Variants in KIAA1671 observed in about 807,000 individuals in gnomAD.
The protein encoded by KIAA1671 is KIAA1671.
KIAA1671 carries 52 observed loss-of-function variants against 131.2 expected under a neutral mutation model. The observed-to-expected ratio is 0.40, with a 90% CI of 0.32 to 0.50. The LOEUF is 0.50. Ranked by LOEUF, KIAA1671 falls within the 20% of genes least tolerant of loss-of-function variation. KIAA1671 has a pLI of 0.73. For missense variants in KIAA1671, 2,360 were observed against 2,364.2 expected, an observed-to-expected ratio of 1.00 and a Z score of 0.04; for synonymous variants, 1,003 against 961.6, an observed-to-expected ratio of 1.04 and a Z score of -0.80.
chr22:25,177,433 C>G lies in KIAA1671; in HGVS notation c.4985C>G (p.Ser1662Cys). 6.4e-7 allele frequency: 1 copy of G among 1,551,752 alleles called. No individual in the cohort carries two copies. The highest frequency in any genetic ancestry group is 8.7e-7 in the Non-Finnish European group (1 of 1,146,996). ...RSRRRAPISHSLRRSRFSESE... is the reference protein window; with the variant it reads ...RSRRRAPISHCLRRSRFSESE... ...CGCCGCCGGGCCCCCATCTCCCACT[C>G]CCTCCGGCGCAGCCGATTTAGTGAG... The change falls in exon 9 of 13, where the codon TCC becomes TGC. Residue 1662 changes from serine to cysteine, a missense_variant. Coordinates refer to ENST00000358431, the MANE Select transcript of KIAA1671 (RefSeq NM_001145206.2).
rs917557882 is a variant in KIAA1671, at chr22:25,029,460, T to C, written c.1461T>C (p.Thr487=). 3 of 1,551,308 alleles carry C rather than the reference T, an allele frequency of 1.9e-6. No individual in the cohort carries two copies. Among genetic ancestry groups the C allele is most frequent in the African/African-American group, 2.7e-5 (2 of 73,184 alleles). The change falls in exon 3 of 13, where the codon ACT becomes ACC. Residue 487 remains threonine, a synonymous_variant. Transcript: ENST00000358431. ...TTCAGGAACGGATCAGAGGCTGGACTGCCGAGAGCTCAGAGGCTAAGCCCG... is the reference window on the plus strand; with the variant it reads ...TTCAGGAACGGATCAGAGGCTGGACCGCCGAGAGCTCAGAGGCTAAGCCCG... ...VSVQERIRGW[T]AESSEAKPEV... is the part of the protein sequence containing the mutation.
At chr22:25,020,977 C>T (rs938465218) in intron 1 of KIAA1671, among the ~76,000 whole-genome samples, 2 of 152,150 alleles carry the variant, frequency 1.3e-5, no homozygotes, top group African/African-American at 2.4e-5. Flanking sequence ...GACATCCTGG[C>T]GCTTGCACGT....
intron 9 of KIAA1671, among the ~76,000 whole-genome samples, chr22:25,180,187 C>T (rs551424547): frequency 3.2e-4 from 48 of 152,314 alleles, no homozygotes; most frequent in African/African-American, 1.2e-3. Context: ...TCATGGAGAT[C>T]CCTGATGCTT....
chr22:25,139,050 A>G (rs1020821797), intron 6 of KIAA1671, among the ~76,000 whole-genome samples: 2 of 152,198 alleles, frequency 1.3e-5, no homozygotes, highest in Non-Finnish European at 2.9e-5. Flanking sequence ...CCAGACCCCA[A>G]CTGAGAAGTA....
intron 6 of KIAA1671, among the ~76,000 whole-genome samples, chr22:25,089,680 G>T (rs1407669527): frequency 6.6e-6 from 1 of 152,120 alleles, no homozygotes; most frequent in East Asian, 1.9e-4. Context: ...CAGCATAATA[G>T]GTCTATGCCA....
chr22:24,955,543 C>T (rs1225772333), intron 1 of KIAA1671, among the ~76,000 whole-genome samples: 1 of 152,150 alleles, frequency 6.6e-6, no homozygotes, highest in Non-Finnish European at 1.5e-5. Flanking sequence ...GCCAGGCCAG[C>T]CATGCTTAGT....
intron 9 of KIAA1671, among the ~76,000 whole-genome samples, chr22:25,178,178 C>T (rs1270688046): frequency 1.3e-5 from 2 of 152,190 alleles, no homozygotes; most frequent in Non-Finnish European, 2.9e-5. Context: ...CGCCGTCCTC[C>T]AGCTGACCAT....
chr22:25,009,551 C>T (rs1924922022), intron 1 of KIAA1671: 1 of 147,304 alleles, frequency 6.8e-6, no homozygotes, highest in African/African-American at 2.5e-5. Flanking sequence ...AGGCATAAGC[C>T]ACTGCACCCA....
At chr22:25,079,029 T>C (rs917168211) in intron 6 of KIAA1671, among the ~76,000 whole-genome samples, 1 of 152,132 alleles carries the variant, frequency 6.6e-6, no homozygotes, top group Non-Finnish European at 1.5e-5. Flanking sequence ...AGCAACTTCC[T>C]CGTGGGTTGG....
At chr22:25,025,044 T>C (rs16979431) in intron 1 of KIAA1671, among the ~76,000 whole-genome samples, 1,483 of 106,892 alleles carry the variant, frequency 0.014, 17 homozygotes, top group Non-Finnish European at 0.024. Flanking sequence ...TGAGGAGGCA[T>C]TTGGAGGGCT....
At chr22:25,126,965 C>T (rs1932211249) in intron 6 of KIAA1671, among the ~76,000 whole-genome samples, 1 of 152,180 alleles carries the variant, frequency 6.6e-6, no homozygotes, top group Non-Finnish European at 1.5e-5. Context: ...GAACCAATGT[C>T]CTCTCCATTA....
At chr22:25,045,126 A>C (rs1278780978) in intron 5 of KIAA1671, among the ~76,000 whole-genome samples, 1 of 152,068 alleles carries the variant, frequency 6.6e-6, no homozygotes, top group African/African-American at 2.4e-5. Flanking sequence ...ACGCCACTGC[A>C]CTCCAGCCTG....
rs111572634 is a variant in KIAA1671 at position 25,128,350 on chromosome 22, G to A, written c.4531-42470G>A. The stretch of plus-strand genomic sequence containing the variant: ...GATGAATACATGAATGCATGGACCA[G>A]TGCATGAACGGATGCCAAGCTCCTA... On this transcript the variant is annotated intron_variant, in intron 6 of 12. Transcript: ENST00000358431. 1.4e-3 allele frequency among the ~76,000 whole-genome samples: 213 copies of A among 152,330 alleles called. 1 individual carries two copies. Among genetic ancestry groups the A allele is most frequent in the African/African-American group, 4.6e-3 (193 of 41,572 alleles).
At chr22:25,177,999 C>T (rs1934101025) in intron 9 of KIAA1671, among the ~76,000 whole-genome samples, 3 of 152,164 alleles carry the variant, frequency 2.0e-5, no homozygotes, top group African/African-American at 4.8e-5. Flanking sequence ...TGGCAGTGCC[C>T]GGCCAAGGCC....
At chr22:25,034,119 C>T (rs942467233) in intron 4 of KIAA1671, among the ~76,000 whole-genome samples, 2 of 150,048 alleles carry the variant, frequency 1.3e-5, no homozygotes, top group Non-Finnish European at 3.0e-5. Context: ...GATCTTGGCT[C>T]ACAGCAACAT....
At chr22:24,966,855 C>T (rs1922332542) in intron 1 of KIAA1671, among the ~76,000 whole-genome samples, 3 of 152,174 alleles carry the variant, frequency 2.0e-5, no homozygotes, top group Admixed American at 2.0e-4. Flanking sequence ...GCTCGGGAGG[C>T]TGAGGCATGA....
At chr22:25,006,156 C>G (rs752152054) in intron 1 of KIAA1671, among the ~76,000 whole-genome samples, 1 of 152,108 alleles carries the variant, frequency 6.6e-6, no homozygotes, top group Non-Finnish European at 1.5e-5. Flanking sequence ...CTCAGCCTCC[C>G]GAGTAGCTGG....
At chr22:24,956,039 A>G (rs1274128485) in intron 1 of KIAA1671, among the ~76,000 whole-genome samples, 1 of 151,954 alleles carries the variant, frequency 6.6e-6, no homozygotes, top group African/African-American at 2.4e-5. Flanking sequence ...AAAAAAAAAA[A>G]AAAGAAAAGA....
At position 25,041,397 on chromosome 22, in the gene KIAA1671, T is replaced by G; in HGVS notation, c.4267T>G (p.Ser1423Ala). Residue 1423 changes from serine to alanine, a missense_variant, in exon 5 of 13, where the codon TCC (serine) becomes GCC (alanine). By Grantham distance (99) the Ser-to-Ala change is moderately conservative. Coordinates refer to ENST00000358431, the MANE Select transcript of KIAA1671 (RefSeq NM_001145206.2). ...CCCTGCCAACATCCGAGAGGGCCTG[T>G]CCATCATGCATGAAGCCAGAGAGAG... Reference protein sequence around the residue: ...GPPANIREGLSIMHEARERRR... With the variant: ...GPPANIREGLAIMHEARERRR... The G allele has an allele frequency of 1.3e-6, 2 of 1,551,730 alleles. No homozygotes were observed. The highest frequency in any genetic ancestry group is 1.7e-6 in the Non-Finnish European group (2 of 1,147,006).
Sources: gnomAD v4.1 joint callset for allele counts (sites outside exome capture counted in the v4.1 genomes callset) on GRCh38, gnomAD v4.1.1 for gene constraint, MANE v1.5 for transcripts, NCBI Gene and HGNC (gene_info 2026-07-23, HGNC 2026-07-21) for gene names.